Variants in BEND6 observed in about 807,000 individuals in gnomAD.
BEND6 encodes BEN domain-containing protein 6.
In BEND6, 24 loss-of-function variants were observed where a neutral mutation model predicts 31.8. The ratio of observed to expected loss-of-function variants is 0.75; its 90% CI spans 0.55 to 1.06. The LOEUF (loss-of-function observed/expected upper bound fraction) is 1.06. Among genes scored for constraint, BEND6 ranks in the 50% least tolerant of loss-of-function variants. BEND6 has a pLI of 0.00. For missense variants in BEND6, 294 were observed against 327.4 expected (o/e 0.90, Z 0.79); for synonymous variants, 109 against 114.6 (o/e 0.95, Z 0.31).
At chr6:56,985,009 G>T (rs1488444996) in intron 2 of BEND6, among the ~76,000 whole-genome samples, 1 of 152,170 alleles carries the variant, frequency 6.6e-6, no homozygotes, top group Non-Finnish European at 1.5e-5. Context: ...TTCCATGTCT[G>T]CTTGCACACT....
intron 2 of BEND6, 78 bp downstream of exon 2, chr6:56,982,008 G>A (rs952654125): frequency 9.4e-6 from 13 of 1,390,072 alleles, no homozygotes; most frequent in Non-Finnish European, 1.2e-5. Flanking sequence ...TAATTTATTA[G>A]TGCTTCTCCC....
chr6:57,015,819 A>G (rs2127891153), intron 4 of BEND6, among the ~76,000 whole-genome samples: 1 of 151,734 alleles, frequency 6.6e-6, no homozygotes, highest in Admixed American at 6.6e-5. Flanking sequence ...TGAAAAAAAA[A>G]AAAAAAAAGA....
intron 3 of BEND6, chr6:57,008,078 G>T: frequency 1.5e-6 from 1 of 677,444 alleles, no homozygotes; most frequent in South Asian, 1.6e-5. Context: ...TAGAAGGTCA[G>T]AGACAAAAAT....
At chr6:56,999,069 G>A (rs1826831735) in intron 3 of BEND6, among the ~76,000 whole-genome samples, 2 of 152,214 alleles carry the variant, frequency 1.3e-5, no homozygotes, top group Admixed American at 1.3e-4. Flanking sequence ...CAGGTGTCCA[G>A]GCATTAGGAG....
At chr6:56,976,474 C>T (rs13207800) in intron 1 of BEND6, among the ~76,000 whole-genome samples, 19,590 of 151,976 alleles carry the variant, frequency 0.13, 1,470 homozygotes, top group Middle Eastern at 0.2. Flanking sequence ...GGATTACAGG[C>T]GTGAGTCACC....
At chr6:57,001,042 C>T (rs1419044105) in intron 3 of BEND6, among the ~76,000 whole-genome samples, 1 of 151,330 alleles carries the variant, frequency 6.6e-6, no homozygotes, top group East Asian at 1.9e-4. Context: ...AAAATCATAC[C>T]CACATGAAAA....
intron 3 of BEND6, 22 bp downstream of exon 3, chr6:56,992,577 A>ATTTT: frequency 6.3e-7 from 1 of 1,594,814 alleles, no homozygotes; most frequent in Non-Finnish European, 8.5e-7. Context: ...GAAAATTGAC[A>ATTTT]TTTTAGATAA....
intron 3 of BEND6, chr6:57,014,583 A>G: frequency 8.1e-7 from 1 of 1,241,008 alleles, no homozygotes; most frequent in South Asian, 1.6e-5. Flanking sequence ...ACCAAAATTC[A>G]TCTTTAATAT....
In BEND6 at chr6:57,004,470, C is replaced by T. The variant is rs993040378; in HGVS notation, c.299-10663C>T. 57 of 635,076 alleles carry T rather than the reference C, an allele frequency of 9.0e-5. 1 individual carries two copies. Among genetic ancestry groups the T allele is most frequent in the African/African-American group, 4.3e-4 (24 of 55,446 alleles). 39.3% of individuals were successfully genotyped at this position (635,076 alleles called of 1,614,324 possible). ...AGCCAGCCCTCCGCTGCCTCCTCAC[C>T]GCGCCCTGGGACCGTCCCAAGGCCT... is the stretch of plus-strand genomic sequence containing the variant. On this transcript the variant is annotated intron_variant, in intron 3 of 6. Coordinates refer to ENST00000370746, the MANE Select transcript of BEND6 (RefSeq NM_152731.3).
intron 3 of BEND6, among the ~76,000 whole-genome samples, chr6:56,999,623 T>A (rs574212175): frequency 1.3e-5 from 2 of 152,282 alleles, no homozygotes; most frequent in East Asian, 3.9e-4. Context: ...GACCTGTCCA[T>A]CCAGCCCTGC....
At chr6:57,008,209 C>T (rs747889880) in intron 3 of BEND6, 34 of 702,768 alleles carry the variant, frequency 4.8e-5, no homozygotes, top group Middle Eastern at 2.3e-4. Context: ...CTTAGACTCT[C>T]CAATGAATGT....
At chr6:56,985,703 A>G (rs1210641221) in intron 2 of BEND6, among the ~76,000 whole-genome samples, 1 of 152,190 alleles carries the variant, frequency 6.6e-6, no homozygotes. Context: ...TGTACTATAC[A>G]AGAATGGTAG....
At chr6:57,003,355 G>A (rs1562552616) in intron 3 of BEND6, among the ~76,000 whole-genome samples, 1 of 152,184 alleles carries the variant, frequency 6.6e-6, no homozygotes, top group Admixed American at 6.5e-5. Flanking sequence ...AAAAGAATTA[G>A]CCAAGTGTTG....
At chr6:56,965,196 A>T (rs114242752) in intron 1 of BEND6, among the ~76,000 whole-genome samples, 1,574 of 152,244 alleles carry the variant, frequency 0.01, 27 homozygotes, top group African/African-American at 0.035. Flanking sequence ...TGTTTTTTTT[A>T]AATTTTAATG....
chr6:56,960,918 G>A (rs1166600301), intron 1 of BEND6, among the ~76,000 whole-genome samples: 1 of 152,168 alleles, frequency 6.6e-6, no homozygotes, highest in African/African-American at 2.4e-5. Flanking sequence ...ACACAAATTG[G>A]AATATAGTAG....
At chr6:56,980,324 A>T (rs1826024526) in intron 1 of BEND6, among the ~76,000 whole-genome samples, 1 of 152,048 alleles carries the variant, frequency 6.6e-6, no homozygotes, top group Non-Finnish European at 1.5e-5. Context: ...GAGTAGTTGG[A>T]ACTACAAGCG....
intron 2 of BEND6, among the ~76,000 whole-genome samples, chr6:56,983,392 C>A (rs540885127): frequency 6.6e-6 from 1 of 152,298 alleles, no homozygotes; most frequent in African/African-American, 2.4e-5. Context: ...TACGTTAGAT[C>A]TCTAAACCTC....
intron 1 of BEND6, among the ~76,000 whole-genome samples, chr6:56,959,388 T>A (rs1318110672): frequency 2.0e-5 from 3 of 152,234 alleles, no homozygotes; most frequent in Admixed American, 6.5e-5. Flanking sequence ...GTGAGTAAAT[T>A]ACCCAGTTGG....
At chr6:57,009,741 A>G (rs1051354614) in intron 3 of BEND6, 1 of 152,220 alleles carries the variant, frequency 6.6e-6, no homozygotes, top group African/African-American at 2.4e-5. Context: ...GAGCATGAAT[A>G]AGAATGACAA....
Sources: gnomAD v4.1 joint callset for allele counts (sites outside exome capture counted in the v4.1 genomes callset) on GRCh38, gnomAD v4.1.1 for gene constraint, MANE v1.5 for transcripts, NCBI Gene and HGNC (gene_info 2026-07-23, HGNC 2026-07-21) for gene names.